The following SOX5 variants were observed in gnomAD, a reference collection of about 807,000 sequenced individuals.
The protein encoded by SOX5 is transcription factor SOX-5.
In SOX5, 9 loss-of-function variants were observed where a neutral mutation model predicts 92.0. That is an observed-to-expected ratio of 0.10 (90% confidence interval 0.06 to 0.17). The LOEUF (loss-of-function observed/expected upper bound fraction) is 0.17. Among genes scored for constraint, SOX5 ranks in the 10% least tolerant of loss-of-function variants. The probability of loss-of-function intolerance (pLI) is 1.00; values close to 1 mark genes in which losing one functional copy is unlikely to be tolerated. For missense variants in SOX5, 642 were observed against 944.5 expected (o/e 0.68, Z 4.20); for synonymous variants, 344 against 336.3 (o/e 1.02, Z -0.25).
chr12:24,524,528 TAAAATGTGCTA>T lies in SOX5; in HGVS notation c.-251+37790_-251+37800del, dbSNP rs1950539889. ...TCAATTGAAAAAAAAATCCTGATTT[TAAAATGTGCTA>T]AAAATTTAAATATACAGGTATATGA... On this transcript the variant is annotated intron_variant, in intron 1 of 4. Transcript: ENST00000446891. Among the ~76,000 whole-genome samples, 5 of 152,248 alleles carry T rather than the reference TAAAATGTGCTA, an allele frequency of 3.3e-5. No homozygotes were observed. In the South Asian group the frequency reaches 1.0e-3, roughly 32 times the overall value.
At chr12:23,662,955 G>C (rs757669582) in intron 7 of SOX5, among the ~76,000 whole-genome samples, 2 of 152,100 alleles carry the variant, frequency 1.3e-5, no homozygotes, top group Non-Finnish European at 2.9e-5. Context: ...GAAATAATTG[G>C]CAACCGGAAA....
chr12:24,442,542 G>C (rs1940797875), intron 1 of SOX5, among the ~76,000 whole-genome samples: 1 of 152,204 alleles, frequency 6.6e-6, no homozygotes, highest in African/African-American at 2.4e-5. Flanking sequence ...GTTTGGGGTA[G>C]TGTCTGCTGC....
chr12:23,844,215 G>T (rs1407744104), intron 3 of SOX5, among the ~76,000 whole-genome samples: 2 of 152,160 alleles, frequency 1.3e-5, no homozygotes, highest in Admixed American at 1.3e-4. Flanking sequence ...GCTCCCTGCC[G>T]CTGCCCAGCA....
chr12:23,923,131 G>T (rs1439862905), intron 1 of SOX5, among the ~76,000 whole-genome samples: 1 of 152,012 alleles, frequency 6.6e-6, no homozygotes, highest in South Asian at 2.1e-4. Flanking sequence ...ATTTTTACTA[G>T]AGACGAGGTT....
At chr12:24,158,958 A>G (rs1952477298) in intron 4 of SOX5, among the ~76,000 whole-genome samples, 1 of 151,982 alleles carries the variant, frequency 6.6e-6, no homozygotes, top group Non-Finnish European at 1.5e-5. Flanking sequence ...TTTTGAAATT[A>G]AAAACAAAAT....
intron 1 of SOX5, among the ~76,000 whole-genome samples, chr12:23,934,203 T>TTAC (rs1942033798): frequency 6.6e-6 from 1 of 151,436 alleles, no homozygotes. Context: ...ACAATTGTGA[T>TTAC]TACTGATACA....
chr12:23,920,042 C>G (rs1937676073), intron 1 of SOX5: 1 of 152,100 alleles, frequency 6.6e-6, no homozygotes, highest in African/African-American at 2.4e-5. Flanking sequence ...CTATCTTCCA[C>G]AGTCCTATTG....
At chr12:23,836,643 G>T (rs573414150) in intron 3 of SOX5, among the ~76,000 whole-genome samples, 1 of 151,766 alleles carries the variant, frequency 6.6e-6, no homozygotes, top group Non-Finnish European at 1.5e-5. Flanking sequence ...GGGTAAGGTC[G>T]GAAATAATAT....
chr12:23,668,546 T>C (rs1338585790), intron 6 of SOX5, among the ~76,000 whole-genome samples: 2 of 152,230 alleles, frequency 1.3e-5, no homozygotes, highest in African/African-American at 2.4e-5. Context: ...ATAGGGTTAG[T>C]AATTCATTCT....
At chr12:24,291,847 C>A (rs1320696463) in intron 2 of SOX5, among the ~76,000 whole-genome samples, 1 of 152,206 alleles carries the variant, frequency 6.6e-6, no homozygotes, top group Non-Finnish European at 1.5e-5. Flanking sequence ...TATGTAGCAT[C>A]ACGACATGTA....
At chr12:23,680,558 A>G (rs894334897) in intron 6 of SOX5, among the ~76,000 whole-genome samples, 1 of 151,700 alleles carries the variant, frequency 6.6e-6, no homozygotes, top group Non-Finnish European at 1.5e-5. Flanking sequence ...ATTTTAGGAG[A>G]AAAAAAATTT....
chr12:23,949,556 G>C lies in SOX5; in HGVS notation c.38+8C>G. The C allele has an allele frequency of 6.2e-7, 1 of 1,613,462 alleles. No individual in the cohort carries two copies. The stretch of plus-strand genomic sequence containing the variant: ...TTCAATATATTAGGGGGAAAAAACT[G>C]TACTCACCTTTCAAACTCCTGAGGT... On this transcript the variant is annotated splice_region_variant and intron_variant, in intron 1 of 14. Transcript: ENST00000451604.
At chr12:23,571,394 G>C (rs1375928906) in intron 10 of SOX5, among the ~76,000 whole-genome samples, 1 of 152,044 alleles carries the variant, frequency 6.6e-6, no homozygotes, top group Non-Finnish European at 1.5e-5. Flanking sequence ...GCTAAGAACA[G>C]TACATTCCAA....
intron 13 of SOX5, among the ~76,000 whole-genome samples, chr12:23,540,571 T>C (rs1489833074): frequency 6.6e-6 from 1 of 152,104 alleles, no homozygotes; most frequent in African/African-American, 2.4e-5. Flanking sequence ...TGGGCAACAT[T>C]GTCATCTCCG....
chr12:23,572,619 G>C (rs1948548132), intron 10 of SOX5, among the ~76,000 whole-genome samples: 3 of 152,232 alleles, frequency 2.0e-5, no homozygotes, highest in African/African-American at 7.2e-5. Flanking sequence ...TATTCTACTA[G>C]TCACATATTC....
chr12:23,648,976 G>T (rs112854623), intron 7 of SOX5, among the ~76,000 whole-genome samples: 1 of 152,082 alleles, frequency 6.6e-6, no homozygotes, highest in African/African-American at 2.4e-5. Context: ...ATAGCGCTAC[G>T]CTATTTCAAT....
chr12:23,611,441 T>C (rs1358862008), intron 8 of SOX5, among the ~76,000 whole-genome samples: 1 of 151,942 alleles, frequency 6.6e-6, no homozygotes, highest in Non-Finnish European at 1.5e-5. Flanking sequence ...TATCTACTGA[T>C]GGACAATAAG....
chr12:24,452,962 TA>T (rs1241864574), intron 1 of SOX5, among the ~76,000 whole-genome samples: 1 of 152,188 alleles, frequency 6.6e-6, no homozygotes, highest in Non-Finnish European at 1.5e-5. Flanking sequence ...TAGAAAGTCT[TA>T]AAAACTTAAA....
chr12:23,705,769 T>C (rs2140284950), intron 6 of SOX5, among the ~76,000 whole-genome samples: 1 of 152,152 alleles, frequency 6.6e-6, no homozygotes, highest in East Asian at 1.9e-4. Context: ...AAAAGGGGGT[T>C]CTACAGGAGC....
Sources: allele counts gnomAD v4.1 joint callset (sites outside exome capture counted in the v4.1 genomes callset), GRCh38; gene constraint gnomAD v4.1.1; transcripts MANE v1.5; gene names NCBI Gene and HGNC (gene_info 2026-07-23, HGNC 2026-07-21).